MYO5B: variants seen among roughly 807,000 people sequenced by gnomAD.
MYO5B encodes myosin VB.
MYO5B carries 143 observed loss-of-function variants against 229.3 expected under a neutral mutation model. That is an observed-to-expected ratio of 0.62 (90% confidence interval 0.54 to 0.72). The LOEUF (loss-of-function observed/expected upper bound fraction) is 0.72. Ranked by LOEUF, MYO5B falls within the 30% of genes least tolerant of loss-of-function variation. The pLI is 0.00. For missense variants in MYO5B, 2,321 were observed against 2,331.0 expected (o/e 1.00, Z 0.09); for synonymous variants, 918 against 885.2 (o/e 1.04, Z -0.66).
At chr18:50,014,483 G>T (rs1363084117) in intron 4 of MYO5B, among the ~76,000 whole-genome samples, 3 of 152,140 alleles carry the variant, frequency 2.0e-5, no homozygotes, top group African/African-American at 7.2e-5. Flanking sequence ...CTCATTATGG[G>T]TTGTGGTGAG....
chr18:50,014,408 AT>A lies in MYO5B; in HGVS notation c.456-12998del, dbSNP rs2026195398. ...AGGGCATTTCCACCTCAGGCAAGTT[AT>A]TTCATTTCTGTAAAACTTGGTTTCC... is the stretch of plus-strand genomic sequence containing the variant. On this transcript the variant is annotated intron_variant, in intron 4 of 39. Transcript: ENST00000285039. 3.3e-5 allele frequency among the ~76,000 whole-genome samples: 5 copies of A among 152,054 alleles called. No individual in the cohort carries two copies. The South Asian group carries it at 8.3e-4, about 25-fold the overall frequency.
At chr18:50,079,367 C>G (rs2031160280) in intron 1 of MYO5B, among the ~76,000 whole-genome samples, 1 of 152,190 alleles carries the variant, frequency 6.6e-6, no homozygotes, top group South Asian at 2.1e-4. Flanking sequence ...GGTATCTCTT[C>G]CTCCACAGAA....
At chr18:49,847,351 G>T in intron 32 of MYO5B, 62 bp from the exon 33 acceptor site, 1 of 1,576,872 alleles carries the variant, frequency 6.3e-7, no homozygotes, top group Non-Finnish European at 8.6e-7. Flanking sequence ...TGAGGGTAGC[G>T]GGCATCTCTG....
intron 13 of MYO5B, 31 bp downstream of exon 13, chr18:49,954,282 G>T (rs768954032): frequency 1.9e-6 from 3 of 1,613,040 alleles, no homozygotes; most frequent in Non-Finnish European, 2.5e-6. Context: ...GGGGCCAAGG[G>T]AATACCCGAG....
chr18:50,052,112 G>A (rs1340105749), intron 2 of MYO5B, among the ~76,000 whole-genome samples: 3 of 152,182 alleles, frequency 2.0e-5, no homozygotes, highest in Non-Finnish European at 4.4e-5. Context: ...TGGTGGGACT[G>A]TAAACTAGTT....
chr18:50,093,245 C>A (rs558812447), intron 1 of MYO5B, among the ~76,000 whole-genome samples: 22 of 151,158 alleles, frequency 1.5e-4, no homozygotes, highest in African/African-American at 5.4e-4. Flanking sequence ...CACACACACA[C>A]AAAAGAATAT....
chr18:50,162,788 G>A (rs2032787814), intron 1 of MYO5B, among the ~76,000 whole-genome samples: 1 of 152,192 alleles, frequency 6.6e-6, no homozygotes, highest in African/African-American at 2.4e-5. Flanking sequence ...GCAACCCAGA[G>A]GTCAGCACAG....
intron 21 of MYO5B, among the ~76,000 whole-genome samples, chr18:49,900,073 G>C (rs1179202940): frequency 6.6e-6 from 1 of 152,246 alleles, no homozygotes; most frequent in African/African-American, 2.4e-5. Flanking sequence ...TGGAAAGCAA[G>C]GCCTGGGGGA....
At chr18:50,043,443 T>C (rs1314201604) in intron 2 of MYO5B, among the ~76,000 whole-genome samples, 3 of 118,600 alleles carry the variant, frequency 2.5e-5, no homozygotes, top group African/African-American at 1.1e-4. Context: ...ATATTAAATA[T>C]TAAATATTTA....
intron 29 of MYO5B, 48 bp downstream of exon 29, chr18:49,863,179 G>T: frequency 2.1e-6 from 3 of 1,435,060 alleles, no homozygotes; most frequent in East Asian, 2.3e-5. Context: ...TTTGGGCAGG[G>T]CCCTTCTCCG....
At chr18:50,063,515 C>G (rs371968443) in intron 1 of MYO5B, among the ~76,000 whole-genome samples, 1 of 152,114 alleles carries the variant, frequency 6.6e-6, no homozygotes, top group Non-Finnish European at 1.5e-5. Flanking sequence ...GGAGAAAGAA[C>G]TATAACATAA....
chr18:49,925,892 C>T (rs1653861109), intron 17 of MYO5B, among the ~76,000 whole-genome samples: 1 of 152,350 alleles, frequency 6.6e-6, no homozygotes, highest in Middle Eastern at 3.4e-3. Context: ...CACCCATTGC[C>T]TGAGCCCCAT....
intron 36 of MYO5B, among the ~76,000 whole-genome samples, chr18:49,838,545 G>T (rs532312369): frequency 1.3e-5 from 2 of 152,296 alleles, no homozygotes; most frequent in South Asian, 2.1e-4. Context: ...TACTTGTGTT[G>T]TAAGAACCTG....
intron 1 of MYO5B, among the ~76,000 whole-genome samples, chr18:50,099,331 T>C (rs988287289): frequency 5.3e-5 from 8 of 152,226 alleles, no homozygotes; most frequent in Admixed American, 3.9e-4. Context: ...GACAGGATCA[T>C]GGAGGCTTCT....
intron 10 of MYO5B, among the ~76,000 whole-genome samples, chr18:49,964,443 C>CA (rs2025599004): frequency 6.6e-6 from 1 of 152,062 alleles, no homozygotes; most frequent in African/African-American, 2.4e-5. Flanking sequence ...TGTGAATATG[C>CA]AAACACAGAT....
intron 1 of MYO5B, among the ~76,000 whole-genome samples, chr18:50,190,606 G>A (rs1418104840): frequency 1.2e-5 from 1 of 85,930 alleles, no homozygotes; most frequent in Admixed American, 1.4e-4. Flanking sequence ...AAAGAGAAGT[G>A]CCCTTTGGCC....
intron 7 of MYO5B, among the ~76,000 whole-genome samples, chr18:49,988,576 C>T (rs755137038): frequency 6.6e-6 from 1 of 152,194 alleles, no homozygotes; most frequent in Non-Finnish European, 1.5e-5. Flanking sequence ...AGAATTACAA[C>T]TGGGACAACT....
intron 9 of MYO5B, among the ~76,000 whole-genome samples, chr18:49,975,958 T>C (rs1419685006): frequency 6.6e-6 from 1 of 152,196 alleles, no homozygotes; most frequent in Non-Finnish European, 1.5e-5. Flanking sequence ...CTTGTCTTCT[T>C]TCACCAAAAT....
intron 14 of MYO5B, among the ~76,000 whole-genome samples, chr18:49,951,495 G>C (rs941230888): frequency 4.6e-5 from 7 of 152,066 alleles, no homozygotes; most frequent in African/African-American, 7.2e-5. Flanking sequence ...CAATAAAGCT[G>C]ATAAATAAAA....
Sources: gnomAD v4.1 joint callset for allele counts (sites outside exome capture counted in the v4.1 genomes callset) on GRCh38, gnomAD v4.1.1 for gene constraint, MANE v1.5 for transcripts, NCBI Gene and HGNC (gene_info 2026-07-23, HGNC 2026-07-21) for gene names.